The following SHQ1 variants were observed in gnomAD, a reference collection of about 807,000 sequenced individuals.
The protein encoded by SHQ1 is SHQ1, H/ACA ribonucleoprotein assembly factor, also known as protein SHQ1 homolog.
Under a neutral mutation model 53.8 loss-of-function variants are expected in SHQ1, and 49 were observed. That is an observed-to-expected ratio of 0.91 (90% CI 0.72 to 1.16). SHQ1 has a LOEUF of 1.16. SHQ1 is among the 50% of genes most tolerant of loss of function. The pLI, the probability that SHQ1 is intolerant of heterozygous loss-of-function variation, is 0.00. For synonymous variants in SHQ1, 243 were observed against 251.0 expected (o/e 0.97, Z 0.30); for missense variants, 738 against 683.1 (o/e 1.08, Z -0.90).
At chr3:72,773,304 A>G (rs1705893200) in intron 10 of SHQ1, 1 of 619,970 alleles carries the variant, frequency 1.6e-6, no homozygotes, top group African/African-American at 1.8e-5. Context: ...AAAAATTGGA[A>G]TCTAGCTCCA....
the SHQ1 span, among the ~76,000 whole-genome samples, chr3:72,740,537 T>G: frequency 1.3e-5 from 2 of 152,164 alleles, no homozygotes; most frequent in Admixed American, 6.5e-5. Context: ...TCTTTACTGT[T>G]TGAAGCAGTT....
chr3:72,834,704 T>C, intron 4 of SHQ1, among the ~76,000 whole-genome samples: 1 of 152,192 alleles, frequency 6.6e-6, no homozygotes, highest in African/African-American at 2.4e-5. Context: ...TACCATATCC[T>C]ACTGAAATAC....
At chr3:72,762,800 G>A (rs914948497) in intron 10 of SHQ1, among the ~76,000 whole-genome samples, 4 of 151,730 alleles carry the variant, frequency 2.6e-5, no homozygotes, top group African/African-American at 4.8e-5. Flanking sequence ...TCAGCCTCCC[G>A]AATAATGGGG....
chr3:72,848,116 T>G, intron 1 of SHQ1, 82 bp downstream of exon 1: 1 of 1,550,348 alleles, frequency 6.5e-7, no homozygotes, highest in Non-Finnish European at 8.9e-7. Flanking sequence ...AATCGAGCAC[T>G]GCTCTCTCGA....
the SHQ1 span, among the ~76,000 whole-genome samples, chr3:72,741,157 G>A: frequency 0.34 from 51,467 of 152,012 alleles, 10,611 homozygotes; most frequent in African/African-American, 0.58. Flanking sequence ...TGGATTAGTA[G>A]AGCTTTCCAG....
At position 72,792,995 on chromosome 3, in the gene SHQ1, T is replaced by C. The variant is rs1197575368; in HGVS notation, c.1102A>G (p.Ile368Val). ...TACGCTGGGTCATTTTCCTGAAAAA[T>C]TTTGTGAATATCCAGGAGACACTTT... is the stretch of plus-strand genomic sequence containing the variant. ...VLKCLLDIHK[I>V]FQENDPAYIL... Residue 368 changes from isoleucine to valine, a missense_variant, in exon 10 of 11, where the codon ATT (isoleucine) becomes GTT (valine). Coordinates refer to ENST00000325599, the MANE Select transcript of SHQ1 (RefSeq NM_018130.3). 2 of 1,612,210 alleles carry C rather than the reference T, an allele frequency of 1.2e-6. No homozygotes were observed. The highest frequency in any genetic ancestry group is 1.7e-6 in the Non-Finnish European group (2 of 1,179,060).
At chr3:72,827,739 AT>A (rs1257765981) in intron 5 of SHQ1, among the ~76,000 whole-genome samples, 1 of 127,494 alleles carries the variant, frequency 7.8e-6, no homozygotes, top group Non-Finnish European at 1.7e-5. Flanking sequence ...TGAGATCTCA[AT>A]TTTTTTTCAA....
the SHQ1 span, among the ~76,000 whole-genome samples, chr3:72,730,436 T>C: frequency 0.035 from 5,301 of 152,308 alleles, 119 homozygotes; most frequent in Non-Finnish European, 0.053. Context: ...AAAATGTATT[T>C]ACATTAACAA....
chr3:72,824,568 A>G lies in SHQ1; in HGVS notation c.600-17T>C. 1 of 1,604,382 alleles carries G rather than the reference A, an allele frequency of 6.2e-7. No individual in the cohort carries two copies. Among genetic ancestry groups the G allele is most frequent in the Non-Finnish European group, 8.5e-7 (1 of 1,177,524 alleles). ...AAGTCAGCTCTAGGAAAAAACATTG[A>G]AAGAACTTACTATACAGGATTTCAC... is the stretch of plus-strand genomic sequence containing the variant. On this transcript the variant is annotated splice_polypyrimidine_tract_variant and intron_variant, in intron 5 of 10. Coordinates refer to ENST00000325599, the MANE Select transcript of SHQ1 (RefSeq NM_018130.3).
At chr3:72,748,167 C>T (rs1382012457), downstream of SHQ1, among the ~76,000 whole-genome samples, 1 of 151,636 alleles carries the variant, frequency 6.6e-6, no homozygotes, top group African/African-American at 2.4e-5. Flanking sequence ...TCCAGACCTG[C>T]CTAACAAATT....
intron 10 of SHQ1, among the ~76,000 whole-genome samples, chr3:72,759,718 C>T (rs1238150921): frequency 6.6e-6 from 1 of 152,020 alleles, no homozygotes; most frequent in African/African-American, 2.4e-5. Flanking sequence ...AAACCAAATA[C>T]TTCACCTTGA....
chr3:72,774,011 C>T (rs924827473), intron 10 of SHQ1, among the ~76,000 whole-genome samples: 1 of 152,052 alleles, frequency 6.6e-6, no homozygotes, highest in Non-Finnish European at 1.5e-5. Context: ...TTAAATCCTC[C>T]GAGGACAAGA....
intron 10 of SHQ1, among the ~76,000 whole-genome samples, chr3:72,757,154 C>T (rs77170374): frequency 2.1e-4 from 32 of 152,258 alleles, no homozygotes; most frequent in African/African-American, 7.0e-4. Context: ...TCAGAGTAAC[C>T]GACTAGGTTT....
At chr3:72,778,226 T>C (rs1449421976) in intron 10 of SHQ1, among the ~76,000 whole-genome samples, 2 of 152,052 alleles carry the variant, frequency 1.3e-5, no homozygotes, top group East Asian at 1.9e-4. Flanking sequence ...TTTGAGAGGT[T>C]GAAATGGGAG....
intron 10 of SHQ1, among the ~76,000 whole-genome samples, chr3:72,761,211 G>A (rs868208310): frequency 6.6e-5 from 10 of 151,280 alleles, no homozygotes; most frequent in African/African-American, 2.2e-4. Context: ...TTGTTCCATC[G>A]CCCAGGCTGG....
intron 10 of SHQ1, among the ~76,000 whole-genome samples, chr3:72,786,795 A>C (rs2106774688): frequency 6.6e-6 from 1 of 152,302 alleles, no homozygotes; most frequent in Admixed American, 6.5e-5. Flanking sequence ...AATAGAGCTC[A>C]ATAACTACTG....
intron 10 of SHQ1, among the ~76,000 whole-genome samples, chr3:72,764,762 T>G (rs1022593530): frequency 6.6e-6 from 1 of 152,158 alleles, no homozygotes; most frequent in African/African-American, 2.4e-5. Context: ...AGGTAATACA[T>G]ATGCACCATG....
downstream of SHQ1, among the ~76,000 whole-genome samples, chr3:72,748,327 T>G (rs1279960444): frequency 1.7e-4 from 8 of 46,270 alleles, no homozygotes; most frequent in African/African-American, 6.7e-4. Context: ...CTATGAGGCA[T>G]GCAAAAAAAA....
chr3:72,744,332 G>C (rs574281610), downstream of SHQ1, among the ~76,000 whole-genome samples: 1 of 152,304 alleles, frequency 6.6e-6, no homozygotes, highest in South Asian at 2.1e-4. Context: ...TTGGAGTACT[G>C]CTCCCAGCAT....
Sources: gnomAD v4.1 joint callset for allele counts (sites outside exome capture counted in the v4.1 genomes callset) on GRCh38, gnomAD v4.1.1 for gene constraint, MANE v1.5 for transcripts, NCBI Gene and HGNC (gene_info 2026-07-23, HGNC 2026-07-21) for gene names.